Variants in TNFAIP8 observed in about 807,000 individuals in gnomAD.
TNFAIP8 encodes the protein TNF alpha induced protein 8.
TNFAIP8 carries 7 observed loss-of-function variants against 13.3 expected under a neutral mutation model. That is an observed-to-expected ratio of 0.52 (90% CI 0.30 to 0.99). The LOEUF (loss-of-function observed/expected upper bound fraction) is 0.99, where lower values mean the gene tolerates loss of function less well. TNFAIP8 is among the 50% of genes least tolerant of loss of function. TNFAIP8 has a pLI of 0.07. For synonymous variants in TNFAIP8, 94 were observed against 87.6 expected, an observed-to-expected ratio of 1.07 and a Z score of -0.41; for missense variants, 258 against 236.9, an observed-to-expected ratio of 1.09 and a Z score of -0.58.
intron 1 of TNFAIP8, among the ~76,000 whole-genome samples, chr5:119,329,588 T>C (rs553858259): frequency 6.6e-6 from 1 of 152,274 alleles, no homozygotes; most frequent in East Asian, 1.9e-4. Flanking sequence ...TGCGATATGA[T>C]ATGAAGAGAA....
chr5:119,321,735 C>T (rs781690548), intron 1 of TNFAIP8, among the ~76,000 whole-genome samples: 48 of 152,174 alleles, frequency 3.2e-4, no homozygotes, highest in Non-Finnish European at 6.3e-4. Context: ...CCTCCTAACT[C>T]CCCTGTGCTC....
intron 1 of TNFAIP8, among the ~76,000 whole-genome samples, chr5:119,336,485 A>G (rs559307394): frequency 3.3e-5 from 5 of 152,020 alleles, no homozygotes; most frequent in Admixed American, 6.5e-5. Flanking sequence ...CTGTCTACCT[A>G]TAGAGGCCTC....
chr5:119,342,271 C>A lies in TNFAIP8; in HGVS notation c.2-50545C>A, dbSNP rs780010852. Among the ~76,000 whole-genome samples, 14 of 152,182 alleles carry A rather than the reference C, an allele frequency of 9.2e-5. 1 individual carries two copies. The highest frequency in any genetic ancestry group is 1.8e-4 in the Non-Finnish European group (12 of 68,040). On this transcript the variant is annotated intron_variant, in intron 1 of 1. Coordinates refer to the TNFAIP8 transcript ENST00000274456. ...TCTCAGAGATAGCACCTTGTGTTGT[C>A]CCCTTTAGGTTAGAGCTGCGGAACC...
Position 119,311,525 on chromosome 5 carries a change from A to G in TNFAIP8, c.1+42618A>G, listed in dbSNP as rs1198476790. On this transcript the variant is annotated intron_variant, in intron 1 of 1. Transcript: ENST00000274456. ...GCTAACATGGTGAAACCCCGTCTCTACTAAAAATACAAAAAATTAACTGGG... is the reference window on the plus strand; with the variant it reads ...GCTAACATGGTGAAACCCCGTCTCTGCTAAAAATACAAAAAATTAACTGGG... 3.3e-5 allele frequency among the ~76,000 whole-genome samples: 5 copies of G among 151,880 alleles called. No homozygotes were observed. The East Asian group carries it at 7.8e-4, about 24-fold the overall frequency.
intron 1 of TNFAIP8, among the ~76,000 whole-genome samples, chr5:119,301,326 A>G (rs1335399886): frequency 6.6e-6 from 1 of 152,070 alleles, no homozygotes; most frequent in Admixed American, 6.6e-5. Flanking sequence ...CCCCTCTGTC[A>G]GTTGGCTTGT....
At chr5:119,356,905 G>C (rs1751448043) in intron 1 of TNFAIP8, among the ~76,000 whole-genome samples, 1 of 152,116 alleles carries the variant, frequency 6.6e-6, no homozygotes, top group Non-Finnish European at 1.5e-5. Flanking sequence ...CTTGTAAGTG[G>C]GGGGTGGGAG....
At chr5:119,275,886 A>G (rs926572360) in intron 1 of TNFAIP8, among the ~76,000 whole-genome samples, 2 of 152,084 alleles carry the variant, frequency 1.3e-5, no homozygotes, top group Non-Finnish European at 2.9e-5. Context: ...TGACTAATTC[A>G]GGTCTGGCCT....
intron 1 of TNFAIP8, among the ~76,000 whole-genome samples, chr5:119,270,798 CATT>C (rs1039162929): frequency 2.0e-5 from 3 of 151,990 alleles, no homozygotes; most frequent in African/African-American, 7.3e-5. Flanking sequence ...CTTTATAAAC[CATT>C]ATATTAATCT....
At chr5:119,279,113 T>C (rs940120712) in intron 1 of TNFAIP8, among the ~76,000 whole-genome samples, 5 of 152,230 alleles carry the variant, frequency 3.3e-5, no homozygotes, top group African/African-American at 1.2e-4. Flanking sequence ...TTATTTAATT[T>C]CATCTTCAGG....
intron 1 of TNFAIP8, among the ~76,000 whole-genome samples, chr5:119,304,667 A>G (rs1303241738): frequency 6.6e-6 from 1 of 152,244 alleles, no homozygotes; most frequent in Non-Finnish European, 1.5e-5. Context: ...ATGAGATGAA[A>G]GTAACATAAC....
chr5:119,357,671 A>C (rs971701440), intron 1 of TNFAIP8, among the ~76,000 whole-genome samples: 2 of 151,838 alleles, frequency 1.3e-5, no homozygotes, highest in African/African-American at 4.8e-5. Context: ...AAACTGGCCT[A>C]TGAAGAGGTT....
chr5:119,295,382 A>G (rs1005807586), intron 1 of TNFAIP8, among the ~76,000 whole-genome samples: 2 of 151,920 alleles, frequency 1.3e-5, no homozygotes, highest in Admixed American at 6.6e-5. Context: ...TTTATTAAAT[A>G]GGGAATCCTT....
At chr5:119,351,788 C>CTTTTTCTT (rs1751165710), upstream of TNFAIP8, among the ~76,000 whole-genome samples, 2 of 138,284 alleles carry the variant, frequency 1.4e-5, no homozygotes, top group African/African-American at 5.9e-5. Context: ...TTTTCTTTTT[C>CTTTTTCTT]TTTTTTTCTT....
At chr5:119,339,101 G>C (rs989584518) in intron 1 of TNFAIP8, among the ~76,000 whole-genome samples, 1 of 151,992 alleles carries the variant, frequency 6.6e-6, no homozygotes, top group African/African-American at 2.4e-5. Flanking sequence ...GCTTCATCCT[G>C]AATTGGCGTC....
At chr5:119,350,952 TTGTG>T (rs35633858) in intron 1 of TNFAIP8, among the ~76,000 whole-genome samples, 272 of 144,674 alleles carry the variant, frequency 1.9e-3, no homozygotes, top group Non-Finnish European at 3.0e-3. Context: ...CTATGTGTAT[TTGTG>T]TGTGTGTGTG....
intron 1 of TNFAIP8, among the ~76,000 whole-genome samples, chr5:119,272,267 G>T (rs2150798444): frequency 6.6e-6 from 1 of 152,298 alleles, no homozygotes; most frequent in East Asian, 1.9e-4. Flanking sequence ...AGTCCAGCTT[G>T]CAGGAGGAGA....
At chr5:119,328,204 T>G (rs1419913270) in intron 1 of TNFAIP8, among the ~76,000 whole-genome samples, 1 of 152,214 alleles carries the variant, frequency 6.6e-6, no homozygotes, top group Non-Finnish European at 1.5e-5. Flanking sequence ...AACGCTCTTA[T>G]CTTTGCCACC....
intron 1 of TNFAIP8, among the ~76,000 whole-genome samples, chr5:119,357,377 C>CA (rs1751470316): frequency 6.6e-6 from 1 of 152,068 alleles, no homozygotes; most frequent in African/African-American, 2.4e-5. Context: ...CTTTTCTTTT[C>CA]TATGTCTTTA....
At chr5:119,269,045 G>T (rs1278601973) in intron 1 of TNFAIP8, 15 of 586,446 alleles carry the variant, frequency 2.6e-5, no homozygotes, top group Non-Finnish European at 6.1e-6. Flanking sequence ...GAGTGGGTGC[G>T]TTTGAACAAC....
Sources: allele counts gnomAD v4.1 joint callset (sites outside exome capture counted in the v4.1 genomes callset), GRCh38; gene constraint gnomAD v4.1.1; transcripts MANE v1.5; gene names NCBI Gene and HGNC (gene_info 2026-07-23, HGNC 2026-07-21).